Variants in CLIC5 observed in about 807,000 individuals in gnomAD.
CLIC5 encodes CLIC family member 5.
A neutral mutation model predicts 24.7 loss-of-function variants in CLIC5; 20 were observed. The ratio of observed to expected loss-of-function variants is 0.81; its 90% CI spans 0.57 to 1.18. The LOEUF is 1.18. Ranked by LOEUF, CLIC5 falls within the 50% of genes most tolerant of loss-of-function variation. The probability of loss-of-function intolerance (pLI) is 0.00; values close to 1 mark genes in which losing one functional copy is unlikely to be tolerated. For missense variants in CLIC5, 341 were observed against 326.1 expected (o/e 1.05, Z -0.35); for synonymous variants, 159 against 135.6 (o/e 1.17, Z -1.20).
chr6:46,046,707 T>C lies in CLIC5; in HGVS notation c.540+32996A>G, dbSNP rs79594670. ...TTTCTATTAATAACAGTCATCTCCTTAAATAGAAGCCTGTGTCAGCGAAGT... is the reference window on the plus strand; with the variant it reads ...TTTCTATTAATAACAGTCATCTCCTCAAATAGAAGCCTGTGTCAGCGAAGT... On this transcript the variant is annotated intron_variant, in intron 1 of 5. Coordinates refer to the CLIC5 transcript ENST00000185206. Among the ~76,000 whole-genome samples, 1,321 of 152,346 alleles carry C rather than the reference T, an allele frequency of 8.7e-3. 23 individuals are homozygous for C. Among genetic ancestry groups the C allele is most frequent in the African/African-American group, 0.03 (1,234 of 41,570 alleles).
intron 5 of CLIC5, among the ~76,000 whole-genome samples, chr6:45,913,537 C>T (rs1762897649): frequency 6.6e-6 from 1 of 152,204 alleles, no homozygotes; most frequent in Admixed American, 6.5e-5. Flanking sequence ...GCTGCAGTCA[C>T]AGCTTCACAG....
intron 6 of CLIC5, chr6:45,881,212 T>C (rs1479827854): frequency 2.5e-6 from 1 of 398,358 alleles, no homozygotes; most frequent in Non-Finnish European, 4.4e-6. Context: ...AACAACAGGA[T>C]TTGAGTTGGA....
chr6:46,055,216 C>A (rs564283830), intron 1 of CLIC5, among the ~76,000 whole-genome samples: 67 of 152,340 alleles, frequency 4.4e-4, no homozygotes, highest in Admixed American at 1.1e-3. Flanking sequence ...AATTCTCACA[C>A]CTCAGCCTCC....
chr6:46,055,354 C>T (rs1393757400), intron 1 of CLIC5, among the ~76,000 whole-genome samples: 2 of 152,202 alleles, frequency 1.3e-5, no homozygotes, highest in African/African-American at 2.4e-5. Flanking sequence ...CTGCCCACTT[C>T]AGCCTCCCAA....
At chr6:46,093,296 C>CT in the CLIC5 span, among the ~76,000 whole-genome samples, 1 of 152,106 alleles carries the variant, frequency 6.6e-6, no homozygotes, top group African/African-American at 2.4e-5. Context: ...TCTTATTTAC[C>CT]TTTATATCTC....
chr6:46,001,922 G>T (rs2146), intron 1 of CLIC5, among the ~76,000 whole-genome samples: 39,321 of 151,976 alleles, frequency 0.26, 5,547 homozygotes, highest in East Asian at 0.49. Context: ...TTATTATAAT[G>T]CCTTCCCTGA....
chr6:45,973,600 A>G (rs1765274792), intron 1 of CLIC5, among the ~76,000 whole-genome samples: 1 of 152,242 alleles, frequency 6.6e-6, no homozygotes, highest in African/African-American at 2.4e-5. Flanking sequence ...AATCACTAAT[A>G]TTTGATCCTC....
At chr6:45,926,250 T>A (rs2396577) in intron 4 of CLIC5, among the ~76,000 whole-genome samples, 35,242 of 139,854 alleles carry the variant, frequency 0.25, 4,727 homozygotes, top group East Asian at 0.44. Context: ...TATATTTTAT[T>A]TTTTTTATTT....
chr6:46,020,732 C>G (rs779431623), upstream of CLIC5, among the ~76,000 whole-genome samples: 1 of 151,712 alleles, frequency 6.6e-6, no homozygotes, highest in African/African-American at 2.4e-5. Context: ...ATGTTAGATA[C>G]AAAAGATGGG....
intron 2 of CLIC5, among the ~76,000 whole-genome samples, chr6:45,952,459 T>C (rs1433218362): frequency 6.6e-6 from 1 of 152,144 alleles, no homozygotes; most frequent in African/African-American, 2.4e-5. Flanking sequence ...ATTGCAAATG[T>C]TTTACATGGC....
chr6:45,968,119 A>G (rs1251320530), intron 1 of CLIC5, among the ~76,000 whole-genome samples: 1 of 152,184 alleles, frequency 6.6e-6, no homozygotes, highest in Non-Finnish European at 1.5e-5. Context: ...AGTCACAGGC[A>G]AAGCCATAAG....
chr6:46,076,459 A>C (rs2179991), intron 1 of CLIC5, among the ~76,000 whole-genome samples: 55,893 of 152,140 alleles, frequency 0.37, 10,503 homozygotes, highest in Middle Eastern at 0.47. Context: ...AGAGAAATGC[A>C]AGGAGAGTCG....
chr6:45,908,426 T>C (rs1329576995), intron 5 of CLIC5, among the ~76,000 whole-genome samples: 3 of 152,204 alleles, frequency 2.0e-5, no homozygotes, highest in African/African-American at 7.2e-5. Context: ...TAAACTTTCC[T>C]TGTAATATTG....
chr6:46,072,341 A>ACAGCTGTGGTCAAGATGACACTGAT (rs1762631735), intron 1 of CLIC5, among the ~76,000 whole-genome samples: 1 of 152,020 alleles, frequency 6.6e-6, no homozygotes, highest in Non-Finnish European at 1.5e-5. Context: ...GACCAGTTAA[A>ACAGCTGTGGTCAAGATGACACTGAT]CAGCTGTGGT....
intron 6 of CLIC5, chr6:45,883,761 A>T (rs1762281659): frequency 1.3e-5 from 2 of 152,296 alleles, no homozygotes; most frequent in Non-Finnish European, 2.9e-5. Flanking sequence ...GCCTGGAGGA[A>T]ATCCATGGAG....
At chr6:46,025,652 A>G (rs1447744426) in intron 1 of CLIC5, among the ~76,000 whole-genome samples, 2 of 152,232 alleles carry the variant, frequency 1.3e-5, no homozygotes, top group African/African-American at 2.4e-5. Context: ...CATTCAAAAA[A>G]GGAAATGCTC....
At chr6:45,922,503 G>C (rs868299763) in intron 4 of CLIC5, among the ~76,000 whole-genome samples, 5 of 152,092 alleles carry the variant, frequency 3.3e-5, no homozygotes, top group Admixed American at 2.6e-4. Flanking sequence ...AGAAGTATTA[G>C]TACAACAACA....
intron 1 of CLIC5, among the ~76,000 whole-genome samples, chr6:45,957,994 C>T (rs1313627371): frequency 3.9e-5 from 6 of 152,042 alleles, no homozygotes; most frequent in Admixed American, 6.5e-5. Context: ...AAACAGTGTC[C>T]TAGGTTGAAT....
At chr6:45,882,777 A>G (rs1381155562) in intron 6 of CLIC5, among the ~76,000 whole-genome samples, 2 of 152,200 alleles carry the variant, frequency 1.3e-5, no homozygotes, top group Non-Finnish European at 2.9e-5. Flanking sequence ...AAGAGATGTG[A>G]TTACTTTCCA....
Sources: gnomAD v4.1 joint callset for allele counts (sites outside exome capture counted in the v4.1 genomes callset) on GRCh38, gnomAD v4.1.1 for gene constraint, MANE v1.5 for transcripts, NCBI Gene and HGNC (gene_info 2026-07-23, HGNC 2026-07-21) for gene names.